The following UNC5C variants were observed in gnomAD, a reference collection of about 807,000 sequenced individuals.
UNC5C encodes the protein netrin receptor UNC5C.
In UNC5C, 47 loss-of-function variants were observed where a neutral mutation model predicts 99.8. The ratio of observed to expected loss-of-function variants is 0.47; its 90% CI spans 0.37 to 0.60. The LOEUF is 0.60. Among genes scored for constraint, UNC5C ranks in the 20% least tolerant of loss-of-function variants. UNC5C has a pLI of 0.00. For missense variants in UNC5C, 1,062 were observed against 1,165.9 expected (o/e 0.91, Z 1.30); for synonymous variants, 487 against 452.2 (o/e 1.08, Z -0.98).
chr4:95,519,350 T>C (rs1365636207), intron 1 of UNC5C, among the ~76,000 whole-genome samples: 1 of 152,074 alleles, frequency 6.6e-6, no homozygotes, highest in East Asian at 1.9e-4. Context: ...TTAGAGGCCA[T>C]CACACCACTC....
intron 12 of UNC5C, among the ~76,000 whole-genome samples, chr4:95,188,931 C>G (rs185033385): frequency 1.3e-3 from 195 of 152,308 alleles, no homozygotes; most frequent in Non-Finnish European, 1.9e-3. Flanking sequence ...ACAGTGTGCT[C>G]AGGTCTAAAA....
At chr4:95,234,140 T>C (rs1257238909) in intron 7 of UNC5C, among the ~76,000 whole-genome samples, 1 of 152,168 alleles carries the variant, frequency 6.6e-6, no homozygotes, top group Non-Finnish European at 1.5e-5. Context: ...AACCATTTAA[T>C]GTAAAGCCTA....
chr4:95,241,502 C>G (rs1471702663), intron 7 of UNC5C, among the ~76,000 whole-genome samples: 1 of 152,084 alleles, frequency 6.6e-6, no homozygotes, highest in Non-Finnish European at 1.5e-5. Flanking sequence ...GTACAAATAC[C>G]TTTGCACAAA....
chr4:95,177,666 C>T (rs998001030), intron 14 of UNC5C, among the ~76,000 whole-genome samples: 2 of 152,058 alleles, frequency 1.3e-5, no homozygotes, highest in Non-Finnish European at 2.9e-5. Context: ...TGGTATTTGT[C>T]CTCAAATACA....
At chr4:95,183,394 AAG>A (rs748762377) in intron 13 of UNC5C, among the ~76,000 whole-genome samples, 13 of 151,970 alleles carry the variant, frequency 8.6e-5, no homozygotes, top group East Asian at 1.9e-4. Flanking sequence ...AAAAAAAAAA[AAG>A]AGTTTATACA....
intron 1 of UNC5C, among the ~76,000 whole-genome samples, chr4:95,354,718 A>T (rs1744117688): frequency 6.6e-6 from 1 of 151,868 alleles, no homozygotes. Flanking sequence ...CCGGGGATCA[A>T]GTGATCCTTC....
At chr4:95,170,093 GTTA>G in intron 15 of UNC5C, 58 bp downstream of exon 15, 3 of 1,560,228 alleles carry the variant, frequency 1.9e-6, no homozygotes, top group Non-Finnish European at 1.7e-6. Context: ...ACGTCTAATA[GTTA>G]TCGGTCCTGG....
chr4:95,352,403 A>T (rs149069103), intron 1 of UNC5C, among the ~76,000 whole-genome samples: 5 of 152,250 alleles, frequency 3.3e-5, no homozygotes, highest in Non-Finnish European at 7.4e-5. Context: ...GGACAAAGGG[A>T]TTCTTGACCA....
chr4:95,200,595 G>A (rs910604260), intron 12 of UNC5C, among the ~76,000 whole-genome samples: 1 of 152,130 alleles, frequency 6.6e-6, no homozygotes, highest in South Asian at 2.1e-4. Context: ...AAAATATTTA[G>A]AATTTTGCCA....
At chr4:95,432,740 C>T (rs1746666870) in intron 1 of UNC5C, among the ~76,000 whole-genome samples, 1 of 152,146 alleles carries the variant, frequency 6.6e-6, no homozygotes, top group African/African-American at 2.4e-5. Flanking sequence ...TAAGAACAAA[C>T]ATCAATAAAA....
chr4:95,198,099 C>CTCGA (rs1489479140), intron 12 of UNC5C, among the ~76,000 whole-genome samples: 1 of 151,650 alleles, frequency 6.6e-6, no homozygotes, highest in Non-Finnish European at 1.5e-5. Flanking sequence ...GCAACTCTCC[C>CTCGA]ACCTCAGCCT....
At chr4:95,479,517 C>T (rs181980417) in intron 1 of UNC5C, among the ~76,000 whole-genome samples, 29 of 151,962 alleles carry the variant, frequency 1.9e-4, no homozygotes, top group Middle Eastern at 3.4e-3. Context: ...CAGTTTATTC[C>T]TCTCAGTTAA....
At chr4:95,395,267 C>A (rs1049512162) in intron 1 of UNC5C, among the ~76,000 whole-genome samples, 1 of 152,178 alleles carries the variant, frequency 6.6e-6, no homozygotes, top group Admixed American at 6.5e-5. Context: ...GAATTTACTA[C>A]CTTACTTTTC....
intron 1 of UNC5C, among the ~76,000 whole-genome samples, chr4:95,513,702 C>A (rs1196795025): frequency 6.6e-6 from 1 of 152,116 alleles, no homozygotes; most frequent in Admixed American, 6.6e-5. Flanking sequence ...GAGGGGCAGG[C>A]ATTAACGCAA....
chr4:95,284,577 G>A (rs7668572), intron 3 of UNC5C, among the ~76,000 whole-genome samples: 12,336 of 152,112 alleles, frequency 0.081, 1,601 homozygotes, highest in African/African-American at 0.28. Context: ...GTGAGTAAGA[G>A]TTAGAAACTA....
chr4:95,234,493 ACTTACCTTT>A (rs1374379839), intron 7 of UNC5C, among the ~76,000 whole-genome samples: 1 of 152,044 alleles, frequency 6.6e-6, no homozygotes, highest in Admixed American at 6.6e-5. Context: ...TCGTCATTTA[ACTTACCTTT>A]CTTATTCAAT....
chr4:95,174,034 T>G (rs976442365), intron 14 of UNC5C, among the ~76,000 whole-genome samples: 3 of 152,192 alleles, frequency 2.0e-5, no homozygotes, highest in African/African-American at 7.2e-5. Flanking sequence ...TGCATAGAGG[T>G]GTTTGTAGTA....
chr4:95,278,480 T>C (rs867555045), intron 3 of UNC5C, 118 bp from the exon 4 acceptor site: 1 of 762,708 alleles, frequency 1.3e-6, no homozygotes, highest in South Asian at 1.8e-5. Context: ...CTTTCTTTTT[T>C]CTTTTTTTTT....
At position 95,335,539 on chromosome 4, in the gene UNC5C, T is replaced by C. The variant is rs763542169; in HGVS notation, c.217A>G (p.Ile73Val). 3.1e-6 allele frequency: 5 copies of C among 1,612,358 alleles called. No individual in the cohort carries two copies. Among genetic ancestry groups the C allele is most frequent in the East Asian group, 2.2e-5 (1 of 44,802 alleles). Reference sequence around the variant, plus strand: ...AGGTTCACGGGCTTATTCTTCACAATATAAGCTTCTTCAGGCTCAATAAGG... The same window carrying C: ...AGGTTCACGGGCTTATTCTTCACAACATAAGCTTCTTCAGGCTCAATAAGG... ...HFLIEPEEAY[I>V]VKNKPVNLYC... The change falls in exon 2 of 16, where the codon ATT becomes GTT. Residue 73 changes from isoleucine to valine, a missense_variant. Transcript: ENST00000453304.
Sources: gnomAD v4.1 joint callset for allele counts (sites outside exome capture counted in the v4.1 genomes callset) on GRCh38, gnomAD v4.1.1 for gene constraint, MANE v1.5 for transcripts, NCBI Gene and HGNC (gene_info 2026-07-23, HGNC 2026-07-21) for gene names.